The following SLC15A4 variants were observed in gnomAD, a reference collection of about 807,000 sequenced individuals.
SLC15A4 encodes the protein solute carrier family 15 member 4.
Under a neutral mutation model 46.1 loss-of-function variants are expected in SLC15A4, and 26 were observed. That is an observed-to-expected ratio of 0.56 (90% CI 0.41 to 0.78). The LOEUF (loss-of-function observed/expected upper bound fraction) is 0.78. Among genes scored for constraint, SLC15A4 ranks in the 30% least tolerant of loss-of-function variants. The pLI is 0.00. For synonymous variants in SLC15A4, 370 were observed against 333.4 expected (o/e 1.11, Z -1.20); for missense variants, 751 against 755.7 (o/e 0.99, Z 0.07).
intron 2 of SLC15A4, chr12:128,810,378 A>T: frequency 2.4e-6 from 1 of 419,534 alleles, no homozygotes; most frequent in East Asian, 5.0e-5. Context: ...AAGATCTGTG[A>T]TGACAGTGTG....
rs555822727 is a variant in SLC15A4 at position 128,810,778 on chromosome 12, C to T, written c.843-667G>A. Among the ~76,000 whole-genome samples, 8 of 152,206 alleles carry T rather than the reference C, an allele frequency of 5.3e-5. No individual in the cohort carries two copies. In the South Asian group the frequency reaches 1.0e-3, roughly 20 times the overall value. On this transcript the variant is annotated intron_variant, in intron 2 of 7. Transcript: ENST00000266771. ...GAAACAGGGAGTGCCCAGTGCACCG[C>T]GTCCCATGTGCTCCCTCATTAACCA...
chr12:128,814,804 C>T lies in SLC15A4; in HGVS notation c.813G>A (p.Gln271=). ...FKILTYSCCS[Q]KRSGERQSNG... is the part of the protein sequence containing the mutation. ...TACTCTGGCGCTCTCCACTTCGCTT[C>T]TGGGAACAGCAGGAATACGTCAGTA... Residue 271 remains glutamine, a synonymous_variant, in exon 2 of 8, where the codon CAG becomes CAA. Transcript: ENST00000266771. 6 of 1,614,222 alleles carry T rather than the reference C, an allele frequency of 3.7e-6. No homozygotes were observed. The highest frequency in any genetic ancestry group is 4.2e-6 in the Non-Finnish European group (5 of 1,180,020).
chr12:128,799,989 G>A (rs1476847545), intron 6 of SLC15A4, among the ~76,000 whole-genome samples: 2 of 151,960 alleles, frequency 1.3e-5, no homozygotes, highest in Admixed American at 6.6e-5. Flanking sequence ...TTACAGGTGC[G>A]TGCCACCATG....
chr12:128,814,921 G>C lies in SLC15A4; in HGVS notation c.696C>G (p.Cys232Trp), dbSNP rs201921716. ...GGAAGACCACAAAAGCAAGGCCGACGCAGACAGTGGGGATCGCATAACCAG... is the reference window on the plus strand; with the variant it reads ...GGAAGACCACAAAAGCAAGGCCGACCCAGACAGTGGGGATCGCATAACCAG... ...FVTGYAIPTV[C>W]VGLAFVVFLC... The change falls in exon 2 of 8, where the codon TGC (cysteine) becomes TGG (tryptophan). Residue 232 changes from cysteine (C) to tryptophan (W), a missense_variant. Transcript: ENST00000266771. The C allele has an allele frequency of 2.2e-5, 36 of 1,614,060 alleles. No individual in the cohort carries two copies. Among genetic ancestry groups the C allele is most frequent in the African/African-American group, 4.0e-5 (3 of 74,924 alleles).
At position 128,813,560 on chromosome 12, in the gene SLC15A4, G is replaced by A. The variant is rs534858254; in HGVS notation, c.842+1215C>T. 181 of 152,282 alleles carry A rather than the reference G, an allele frequency of 1.2e-3. 2 individuals are homozygous for A. Among genetic ancestry groups the A allele is most frequent in the African/African-American group, 4.3e-3 (178 of 41,550 alleles). The allele number at this position is 152,282 out of a possible 1,614,324, so 9.4% of individuals were successfully genotyped here. ...AAGGAATATTAGACACATTCGCTAC[G>A]GCTCCAAGAGCATGAGTAAGACAAA... On this transcript the variant is annotated intron_variant, in intron 2 of 7. Transcript: ENST00000266771.
chr12:128,816,942 T>G (rs1396457800), intron 1 of SLC15A4, among the ~76,000 whole-genome samples: 1 of 152,236 alleles, frequency 6.6e-6, no homozygotes, highest in African/African-American at 2.4e-5. Flanking sequence ...GTAAAATTTA[T>G]AGTTAAAATT....
intron 1 of SLC15A4, among the ~76,000 whole-genome samples, chr12:128,821,379 G>A (rs1465129777): frequency 1.3e-5 from 2 of 152,128 alleles, no homozygotes; most frequent in East Asian, 3.9e-4. Context: ...TCTGTGAAGG[G>A]GCAGGCAGTT....
chr12:128,811,298 C>T (rs1405001970), intron 2 of SLC15A4, among the ~76,000 whole-genome samples: 1 of 152,232 alleles, frequency 6.6e-6, no homozygotes, highest in Non-Finnish European at 1.5e-5. Context: ...TTTATTAACT[C>T]ATGTCCCATT....
chr12:128,807,535 G>A (rs758205546), intron 5 of SLC15A4, among the ~76,000 whole-genome samples: 1 of 152,190 alleles, frequency 6.6e-6, no homozygotes, highest in Admixed American at 6.5e-5. Flanking sequence ...GGGAGAGAGA[G>A]GTCTGAGGCC....
chr12:128,795,658 G>A (rs886164598), intron 7 of SLC15A4, among the ~76,000 whole-genome samples: 3 of 152,148 alleles, frequency 2.0e-5, no homozygotes, highest in Non-Finnish European at 4.4e-5. Flanking sequence ...CAGTCTCTCC[G>A]CCAGAGAACA....
chr12:128,796,316 T>A (rs1190781597), intron 7 of SLC15A4, among the ~76,000 whole-genome samples: 2 of 151,094 alleles, frequency 1.3e-5, no homozygotes, highest in African/African-American at 4.9e-5. Flanking sequence ...TCTCAGCTGC[T>A]TGGGAGGCTG....
At chr12:128,816,956 T>C (rs1024296161) in intron 1 of SLC15A4, among the ~76,000 whole-genome samples, 7 of 152,252 alleles carry the variant, frequency 4.6e-5, no homozygotes, top group African/African-American at 1.4e-4. Flanking sequence ...TAAAATTGTG[T>C]GTTCCTCTCT....
chr12:128,807,610 T>G (rs1204851471), intron 5 of SLC15A4, among the ~76,000 whole-genome samples: 1 of 152,164 alleles, frequency 6.6e-6, no homozygotes, highest in African/African-American at 2.4e-5. Context: ...GTGCAAAGAC[T>G]TCCTGCAGAC....
chr12:128,818,309 G>C (rs993281766), intron 1 of SLC15A4, among the ~76,000 whole-genome samples: 22 of 152,150 alleles, frequency 1.4e-4, no homozygotes, highest in Non-Finnish European at 2.6e-4. Flanking sequence ...TCAAAGCTAT[G>C]CAGCCTCACC....
Position 128,806,148 on chromosome 12 carries a change from C to T in SLC15A4, c.1258+2640G>A, listed in dbSNP as rs1165312035. ...TTGCACCACTGCACTCCAGCCTGGG[C>T]GACAGAGACTCTGTCTCAAAAAAAA... is the stretch of plus-strand genomic sequence containing the variant. On this transcript the variant is annotated intron_variant, in intron 5 of 7. Coordinates refer to ENST00000266771, the MANE Select transcript of SLC15A4 (RefSeq NM_145648.4). Among the ~76,000 whole-genome samples the T allele has an allele frequency of 8.6e-5, 10 of 115,816 alleles. No homozygotes were observed. In the Admixed American group the frequency reaches 9.8e-4, roughly 11 times the overall value. 76.0% of individuals were successfully genotyped at this position (115,816 alleles called of 152,430 possible).
chr12:128,797,426 G>T (rs1955459381), intron 7 of SLC15A4, among the ~76,000 whole-genome samples: 1 of 152,144 alleles, frequency 6.6e-6, no homozygotes, highest in South Asian at 2.1e-4. Flanking sequence ...GAGGCAAGGA[G>T]GGCTTCCAAA....
Position 128,823,723 on chromosome 12 carries a change from G to A in SLC15A4, c.221C>T (p.Ala74Val). 1 of 1,538,536 alleles carries A rather than the reference G, an allele frequency of 6.5e-7. No homozygotes were observed. The highest frequency in any genetic ancestry group is 8.7e-7 in the Non-Finnish European group (1 of 1,151,478). ...GAPFCWEGAQ[A>V]SEALLLFMGL... ...CATGAAGAGCAGCAGCGCCTCGCTG[G>A]CCTGCGCGCCCTCCCAGCAGAACGG... The change falls in exon 1 of 8, where the codon GCC becomes GTC. Residue 74 changes from alanine (A) to valine (V), a missense_variant. Physicochemically the swap from Ala to Val is moderately conservative, Grantham distance 64 (BLOSUM62 0). Coordinates refer to ENST00000266771, the MANE Select transcript of SLC15A4 (RefSeq NM_145648.4).
At chr12:128,798,710 G>A (rs558277623) in intron 7 of SLC15A4, among the ~76,000 whole-genome samples, 1 of 152,312 alleles carries the variant, frequency 6.6e-6, no homozygotes, top group Admixed American at 6.5e-5. Flanking sequence ...GCTTTTATGA[G>A]TGGTTCTGTT....
Position 128,810,090 on chromosome 12 carries a change from C to T in SLC15A4, c.864G>A (p.Gln288=). ...CAAACAGACTTTGTTTAGAAGATTG[C>T]TGAAAGACTCCAATGCCTTCACTTT... is the stretch of plus-strand genomic sequence containing the variant. ...QSNGEGIGVF[Q]QSSKQSLFDS... Residue 288 remains glutamine (Q), a synonymous_variant, in exon 3 of 8, where the codon CAG becomes CAA. Transcript: ENST00000266771. 1 of 1,613,654 alleles carries T rather than the reference C, an allele frequency of 6.2e-7. No individual in the cohort carries two copies. Among genetic ancestry groups the T allele is most frequent in the African/African-American group, 1.3e-5 (1 of 75,058 alleles).
Sources: allele counts gnomAD v4.1 joint callset (sites outside exome capture counted in the v4.1 genomes callset), GRCh38; gene constraint gnomAD v4.1.1; transcripts MANE v1.5; gene names NCBI Gene and HGNC (gene_info 2026-07-23, HGNC 2026-07-21).